SRGAP3: variants seen among roughly 807,000 people sequenced by gnomAD.
SRGAP3 encodes the protein SLIT-ROBO Rho GTPase activating protein 3.
A neutral mutation model predicts 121.1 loss-of-function variants in SRGAP3; 39 were observed. That is an observed-to-expected ratio of 0.32 (90% confidence interval 0.25 to 0.42). The LOEUF (loss-of-function observed/expected upper bound fraction) is 0.42, where lower values mean the gene tolerates loss of function less well. SRGAP3 is among the 10% of genes least tolerant of loss of function. The pLI is 1.00. For missense variants in SRGAP3, 1,213 were observed against 1,470.6 expected, an observed-to-expected ratio of 0.82 and a Z score of 2.86; for synonymous variants, 601 against 570.0, an observed-to-expected ratio of 1.05 and a Z score of -0.77.
intron 1 of SRGAP3, among the ~76,000 whole-genome samples, chr3:9,233,248 C>T (rs1443377129): frequency 1.3e-5 from 2 of 152,230 alleles, no homozygotes; most frequent in Non-Finnish European, 2.9e-5. Context: ...TGACTTTCAT[C>T]CAAGGTCATT....
chr3:9,186,579 T>C (rs1012853344), intron 1 of SRGAP3, among the ~76,000 whole-genome samples: 6 of 152,140 alleles, frequency 3.9e-5, no homozygotes, highest in African/African-American at 1.4e-4. Flanking sequence ...AGTGAAGTAT[T>C]ACTTCGCCCA....
rs1000214748 is a variant in SRGAP3, at chr3:8,984,584, G to A, written c.*935C>T. ...ACCACATGTAATACTGTGCTACGAT[G>A]GGGCTTAGGTTCTCACTATCCCCCG... On this transcript the variant is annotated 3_prime_UTR_variant, in exon 22 of 22. Coordinates refer to ENST00000383836, the MANE Select transcript of SRGAP3 (RefSeq NM_014850.4). 4.3e-6 allele frequency: 1 copy of A among 232,570 alleles called. No individual in the cohort carries two copies. Among genetic ancestry groups the A allele is most frequent in the Non-Finnish European group, 8.5e-6 (1 of 117,730 alleles). The allele number at this position is 232,570 out of a possible 1,614,324, so 14.4% of individuals were successfully genotyped here.
intron 10 of SRGAP3, among the ~76,000 whole-genome samples, chr3:9,040,533 T>C (rs893101538): frequency 1.3e-5 from 2 of 151,844 alleles, no homozygotes; most frequent in East Asian, 1.9e-4. Flanking sequence ...TCTATCTTTA[T>C]TATTTATTTT....
Position 8,985,708 on chromosome 3 carries a change from G to A in SRGAP3, c.3111C>T (p.Thr1037=), listed in dbSNP as rs749577608. ...GGGCGGACAGGGCTGGCTTGAAGGT[G>A]GTCATCATCTCGGTGGAGGAGCTGC... The part of the protein sequence containing the change: ...RSSSSSTEMM[T]TFKPALSARL... Residue 1037 remains threonine (T), a synonymous_variant, in exon 22 of 22, where the codon ACC becomes ACT. Coordinates refer to ENST00000383836, the MANE Select transcript of SRGAP3 (RefSeq NM_014850.4). This position sits in a 1 kb window ranked among gnomAD's most constrained non-coding sequence, Gnocchi z 5.1. 1.9e-6 allele frequency: 3 copies of A among 1,598,126 alleles called. No homozygotes were observed. The highest frequency in any genetic ancestry group is 3.3e-5 in the Admixed American group (2 of 59,990).
chr3:9,357,006 T>C (rs1321963739), intron 1 of SRGAP3, among the ~76,000 whole-genome samples: 1 of 152,160 alleles, frequency 6.6e-6, no homozygotes, highest in East Asian at 1.9e-4. Flanking sequence ...CTCATGCCTG[T>C]AATTCCAGCA....
intron 1 of SRGAP3, among the ~76,000 whole-genome samples, chr3:9,155,193 C>G (rs932014193): frequency 5.9e-5 from 9 of 152,178 alleles, no homozygotes; most frequent in African/African-American, 1.9e-4. Flanking sequence ...TTCTGGCTGA[C>G]AGTTAGACTC....
intron 3 of SRGAP3, among the ~76,000 whole-genome samples, chr3:9,091,191 A>G (rs1003900540): frequency 2.0e-5 from 3 of 152,080 alleles, no homozygotes; most frequent in Non-Finnish European, 4.4e-5. Flanking sequence ...GGCCTTTGTT[A>G]ACTCTCAGTT....
chr3:9,031,405 C>T (rs1273326871), intron 12 of SRGAP3, among the ~76,000 whole-genome samples: 1 of 152,196 alleles, frequency 6.6e-6, no homozygotes, highest in Non-Finnish European at 1.5e-5. Context: ...GATCTTCCTT[C>T]CTGATGCATC....
At chr3:9,362,348 G>C (rs2030925475) in intron 1 of SRGAP3, among the ~76,000 whole-genome samples, 1 of 150,806 alleles carries the variant, frequency 6.6e-6, no homozygotes, top group Non-Finnish European at 1.5e-5. Context: ...ATTTTTAGTA[G>C]AGATGGAGTT....
intron 1 of SRGAP3, among the ~76,000 whole-genome samples, chr3:9,342,065 A>C (rs531136322): frequency 1.3e-5 from 2 of 152,206 alleles, no homozygotes; most frequent in Middle Eastern, 6.8e-3. Context: ...AAAGCTAAAA[A>C]TCAGGCCGGG....
intron 1 of SRGAP3, among the ~76,000 whole-genome samples, chr3:9,352,260 A>C (rs1177248950): frequency 6.7e-6 from 1 of 148,482 alleles, no homozygotes; most frequent in Non-Finnish European, 1.5e-5. Context: ...TCCTCCACAG[A>C]TGTTATGGAC....
At chr3:9,148,145 T>C (rs887657340) in intron 1 of SRGAP3, among the ~76,000 whole-genome samples, 2 of 151,964 alleles carry the variant, frequency 1.3e-5, no homozygotes, top group Non-Finnish European at 2.9e-5. Flanking sequence ...GGGCATCAAC[T>C]TCAGGGAGGG....
chr3:9,014,034 G>C, intron 15 of SRGAP3, 192 bp from the exon 16 acceptor site: 1 of 658,322 alleles, frequency 1.5e-6, no homozygotes, highest in Non-Finnish European at 2.8e-6. Flanking sequence ...GGAGGGGCTG[G>C]AGGTGTGGCC....
chr3:9,060,493 C>T, intron 5 of SRGAP3, 134 bp from the exon 6 acceptor site: 1 of 1,202,420 alleles, frequency 8.3e-7, no homozygotes. Flanking sequence ...GTGGTGTGAT[C>T]ATAGCTCACT....
chr3:9,195,624 C>G (rs535525569), intron 1 of SRGAP3, among the ~76,000 whole-genome samples: 1 of 152,206 alleles, frequency 6.6e-6, no homozygotes, highest in East Asian at 1.9e-4. Context: ...CAATAAACAG[C>G]ATGCACCCAA....
At chr3:9,338,149 G>A (rs928483808) in intron 1 of SRGAP3, among the ~76,000 whole-genome samples, 1 of 152,162 alleles carries the variant, frequency 6.6e-6, no homozygotes, top group Non-Finnish European at 1.5e-5. Flanking sequence ...CTGCTAGGAA[G>A]CTACTTTAGC....
rs1315077802 is a variant in SRGAP3 at position 9,109,956 on chromosome 3, C to T, written c.261-5114G>A. The stretch of plus-strand genomic sequence containing the variant: ...AACATGGAGACTGAGGCAGGGGCCA[C>T]TTGGGAAAGGGCCTTTAACTCTCAT... On this transcript the variant is annotated intron_variant, in intron 2 of 21. Transcript: ENST00000383836. This position sits in a 1 kb window ranked among gnomAD's most constrained non-coding sequence, Gnocchi z 4.4. 6.6e-6 allele frequency among the ~76,000 whole-genome samples: 1 copy of T among 152,042 alleles called. No homozygotes were observed. The highest frequency in any genetic ancestry group is 1.9e-4 in the East Asian group (1 of 5,168).
chr3:9,055,783 A>G (rs913510401), intron 8 of SRGAP3, among the ~76,000 whole-genome samples: 15 of 152,236 alleles, frequency 9.9e-5, no homozygotes, highest in Admixed American at 7.8e-4. Flanking sequence ...ATAACATTTA[A>G]GCATTTCCCT....
chr3:9,185,037 C>A (rs1324961627), intron 1 of SRGAP3, among the ~76,000 whole-genome samples: 2 of 152,144 alleles, frequency 1.3e-5, no homozygotes, highest in Non-Finnish European at 2.9e-5. Flanking sequence ...ACCAGCCTGG[C>A]CAACATGGTG....
Sources: gnomAD v4.1 joint callset for allele counts (sites outside exome capture counted in the v4.1 genomes callset) on GRCh38, gnomAD v4.1.1 for gene constraint, Gnocchi (gnomAD v3.1) non-coding constraint, MANE v1.5 for transcripts, NCBI Gene and HGNC (gene_info 2026-07-23, HGNC 2026-07-21) for gene names.